The following TENM4 variants were observed in gnomAD, a reference collection of about 807,000 sequenced individuals.
TENM4 encodes the protein teneurin transmembrane protein 4, also known as teneurin-4.
In TENM4, 82 loss-of-function variants were observed where a neutral mutation model predicts 243.3. The ratio of observed to expected loss-of-function variants is 0.34; its 90% CI spans 0.28 to 0.40. The LOEUF (loss-of-function observed/expected upper bound fraction) is 0.40, where lower values mean the gene tolerates loss of function less well. Among genes scored for constraint, TENM4 ranks in the 10% least tolerant of loss-of-function variants. TENM4 has a pLI of 1.00. For synonymous variants in TENM4, 1,412 were observed against 1,456.3 expected, an observed-to-expected ratio of 0.97 and a Z score of 0.69; for missense variants, 3,138 against 3,673.3, an observed-to-expected ratio of 0.85 and a Z score of 3.77.
intron 2 of TENM4, among the ~76,000 whole-genome samples, chr11:79,276,338 C>T (rs1590844890): frequency 6.6e-6 from 1 of 152,236 alleles, no homozygotes; most frequent in East Asian, 1.9e-4. Flanking sequence ...CGGTGCCGGG[C>T]TATGTCTGCC....
At chr11:78,867,799 A>C (rs1401366217) in intron 9 of TENM4, among the ~76,000 whole-genome samples, 2 of 152,212 alleles carry the variant, frequency 1.3e-5, no homozygotes, top group Non-Finnish European at 2.9e-5. Flanking sequence ...TTACTCAGAG[A>C]AGTAAAGTAA....
Position 78,805,282 on chromosome 11 carries a change from C to CCCCCCCCCCCACCCCCCCCCCCCTT in TENM4, c.2179+9_2179+10insAAGGGGGGGGGGGGTGGGGGGGGGG. ...CCCTCTACCCATGCTTCTTCTCCCCCTGCATTTACCGATAGAACAGTCGTG... is the reference window on the plus strand; with the variant it reads ...CCCTCTACCCATGCTTCTTCTCCCCCCCCCCCCCCCACCCCCCCCCCCCTTTGCATTTACCGATAGAACAGTCGTG... On this transcript the variant is annotated intron_variant, in intron 15 of 33. Coordinates refer to ENST00000278550, the MANE Select transcript of TENM4 (RefSeq NM_001098816.3). 1.0e-6 allele frequency: 1 copy of CCCCCCCCCCCACCCCCCCCCCCCTT among 995,568 alleles called. No individual in the cohort carries two copies. The highest frequency in any genetic ancestry group is 1.2e-6 in the Non-Finnish European group (1 of 823,790). The allele number at this position is 995,568 out of a possible 1,614,324, so 61.7% of individuals were successfully genotyped here.
At chr11:79,405,111 G>GTAAA (rs1380788883) in intron 1 of TENM4, among the ~76,000 whole-genome samples, 1 of 152,176 alleles carries the variant, frequency 6.6e-6, no homozygotes, top group Non-Finnish European at 1.5e-5. Context: ...CTTTGGTTTA[G>GTAAA]TAAATTGTTA....
chr11:78,908,145 T>C (rs1856103398), intron 6 of TENM4, among the ~76,000 whole-genome samples: 1 of 152,196 alleles, frequency 6.6e-6, no homozygotes, highest in Non-Finnish European at 1.5e-5. Flanking sequence ...TCCTTTACAA[T>C]GCTGGGCAGA....
intron 23 of TENM4, among the ~76,000 whole-genome samples, chr11:78,725,295 C>T (rs1333187176): frequency 1.3e-5 from 2 of 152,212 alleles, no homozygotes; most frequent in Non-Finnish European, 2.9e-5. Context: ...TCAATTCCCC[C>T]TGAAAACATG....
chr11:78,695,784 T>C (rs1858946055), intron 28 of TENM4, among the ~76,000 whole-genome samples: 1 of 151,966 alleles, frequency 6.6e-6, no homozygotes, highest in Non-Finnish European at 1.5e-5. Context: ...TTTTTTTTTT[T>C]TCCTGGCTGC....
At chr11:79,130,476 G>GGA (rs111366751) in intron 4 of TENM4, among the ~76,000 whole-genome samples, 4 of 149,658 alleles carry the variant, frequency 2.7e-5, no homozygotes, top group African/African-American at 9.8e-5. Flanking sequence ...CAATGCAAAG[G>GGA]AAAAAAAAAA....
chr11:79,060,728 G>A lies in TENM4; in HGVS notation c.493+4010C>T, dbSNP rs1231469315. Among the ~76,000 whole-genome samples the A allele has an allele frequency of 2.6e-4, 39 of 152,218 alleles. 1 individual carries two copies. The highest frequency in any genetic ancestry group is 2.6e-3 in the Admixed American group (39 of 15,284). Reference sequence around the variant, plus strand: ...CTGACTCGCAGGCTATTGTGTCTCAGTTTGGAGCCTCAGGTTTCCCATTTG... The same window carrying A: ...CTGACTCGCAGGCTATTGTGTCTCAATTTGGAGCCTCAGGTTTCCCATTTG... On this transcript the variant is annotated intron_variant, in intron 6 of 33. Coordinates refer to ENST00000278550, the MANE Select transcript of TENM4 (RefSeq NM_001098816.3).
intron 2 of TENM4, among the ~76,000 whole-genome samples, chr11:79,290,951 G>C (rs886312933): frequency 6.6e-6 from 1 of 152,126 alleles, no homozygotes; most frequent in African/African-American, 2.4e-5. Context: ...GTGAATCTGG[G>C]AGCCAGGTCC....
At chr11:78,976,588 T>C (rs1382343233) in intron 6 of TENM4, among the ~76,000 whole-genome samples, 1 of 152,214 alleles carries the variant, frequency 6.6e-6, no homozygotes, top group African/African-American at 2.4e-5. Flanking sequence ...TGTGAAACTT[T>C]TTTGGGGAAA....
intron 4 of TENM4, among the ~76,000 whole-genome samples, chr11:79,148,080 T>C: frequency 6.6e-6 from 1 of 152,090 alleles, no homozygotes; most frequent in Non-Finnish European, 1.5e-5. Context: ...GCCTGCTCTT[T>C]GGGTTTACCC....
At chr11:79,016,082 A>G (rs2136776979) in intron 6 of TENM4, among the ~76,000 whole-genome samples, 1 of 152,312 alleles carries the variant, frequency 6.6e-6, no homozygotes, top group African/African-American at 2.4e-5. Flanking sequence ...GCTAGAGTGG[A>G]TCCCAGACAA....
rs188983723 is a variant in TENM4 at position 79,197,826 on chromosome 11, T to C, written c.-163+17982A>G. ...AATGTAGCAGGCTTCCAATCAAGAA[T>C]TTTTTTTTCAGAGTCTTGTTAGTCA... On this transcript the variant is annotated intron_variant, in intron 3 of 33. Transcript: ENST00000278550. Among the ~76,000 whole-genome samples, 151 of 151,800 alleles carry C rather than the reference T, an allele frequency of 9.9e-4. 2 individuals are homozygous for C. The highest frequency in any genetic ancestry group is 3.3e-3 in the African/African-American group (138 of 41,404).
intron 16 of TENM4, among the ~76,000 whole-genome samples, chr11:78,782,182 G>A (rs998159835): frequency 6.6e-6 from 1 of 152,212 alleles, no homozygotes; most frequent in Non-Finnish European, 1.5e-5. Flanking sequence ...CAAAGGGCCA[G>A]GTGTGGTGGC....
intron 4 of TENM4, among the ~76,000 whole-genome samples, chr11:79,127,548 C>A (rs1325662657): frequency 1.3e-5 from 2 of 152,186 alleles, no homozygotes; most frequent in African/African-American, 4.8e-5. Context: ...CCAACAGAAG[C>A]AATTTGCCTT....
chr11:78,797,719 C>CT (rs1857189183), intron 15 of TENM4, among the ~76,000 whole-genome samples: 2 of 152,230 alleles, frequency 1.3e-5, no homozygotes, highest in African/African-American at 4.8e-5. Context: ...GTGCCGCCCT[C>CT]TGACACTTCC....
intron 18 of TENM4, among the ~76,000 whole-genome samples, chr11:78,763,228 T>C (rs1856468585): frequency 6.6e-6 from 1 of 152,198 alleles, no homozygotes; most frequent in Non-Finnish European, 1.5e-5. Flanking sequence ...ATTTCATTTT[T>C]CCTCATAGTT....
chr11:78,924,682 C>A (rs1026360151), intron 6 of TENM4: 1 of 152,152 alleles, frequency 6.6e-6, no homozygotes, highest in African/African-American at 2.4e-5. Context: ...TGATAATGTT[C>A]GGCCCTAACA....
At chr11:78,754,988 C>T (rs1223429282) in intron 19 of TENM4, among the ~76,000 whole-genome samples, 6 of 152,216 alleles carry the variant, frequency 3.9e-5, no homozygotes, top group African/African-American at 1.4e-4. Context: ...GGGGCTCCTT[C>T]CCGAGTCTGA....
Sources: gnomAD v4.1 joint callset for allele counts (sites outside exome capture counted in the v4.1 genomes callset) on GRCh38, gnomAD v4.1.1 for gene constraint, MANE v1.5 for transcripts, NCBI Gene and HGNC (gene_info 2026-07-23, HGNC 2026-07-21) for gene names.